The following GHR variants were observed in gnomAD, a reference collection of about 807,000 sequenced individuals.
The protein encoded by GHR is growth hormone receptor.
GHR carries 35 observed loss-of-function variants against 67.1 expected under a neutral mutation model. The ratio of observed to expected loss-of-function variants is 0.52; its 90% CI spans 0.40 to 0.69. The LOEUF (loss-of-function observed/expected upper bound fraction) is 0.69, where lower values mean the gene tolerates loss of function less well. GHR is among the 30% of genes least tolerant of loss of function. The probability of loss-of-function intolerance (pLI) is 0.00; values close to 1 mark genes in which losing one functional copy is unlikely to be tolerated. For missense variants in GHR, 792 were observed against 764.6 expected (o/e 1.04, Z -0.42); for synonymous variants, 272 against 269.1 (o/e 1.01, Z -0.10).
At chr5:42,493,316 C>T (rs1258130810) in intron 1 of GHR, among the ~76,000 whole-genome samples, 1 of 152,106 alleles carries the variant, frequency 6.6e-6, no homozygotes, top group Admixed American at 6.6e-5. Context: ...AAAATAACTG[C>T]TCTTTGAAAA....
intron 2 of GHR, among the ~76,000 whole-genome samples, chr5:42,571,784 G>A (rs946592559): frequency 9.2e-5 from 14 of 152,198 alleles, no homozygotes; most frequent in African/African-American, 3.4e-4. Context: ...TTATATAATA[G>A]AATGTTTCCA....
At chr5:42,649,101 G>A (rs1052892702) in intron 3 of GHR, among the ~76,000 whole-genome samples, 1 of 152,320 alleles carries the variant, frequency 6.6e-6, no homozygotes, top group East Asian at 1.9e-4. Flanking sequence ...GCATCAGACA[G>A]ACTTGGCTTC....
At chr5:42,452,122 G>A (rs1296287432) in intron 1 of GHR, among the ~76,000 whole-genome samples, 1 of 152,108 alleles carries the variant, frequency 6.6e-6, no homozygotes, top group East Asian at 1.9e-4. Context: ...CTCAACATTT[G>A]TTAGTCTGAA....
chr5:42,445,865 G>A (rs776441451), intron 1 of GHR, among the ~76,000 whole-genome samples: 2 of 152,160 alleles, frequency 1.3e-5, no homozygotes, highest in Non-Finnish European at 2.9e-5. Flanking sequence ...TTTACATATT[G>A]AAGTGCCAGG....
intron 1 of GHR, among the ~76,000 whole-genome samples, chr5:42,456,408 A>T (rs985168109): frequency 6.6e-6 from 1 of 152,226 alleles, no homozygotes; most frequent in African/African-American, 2.4e-5. Context: ...TTCTGTTTTA[A>T]GGTAGGACTA....
chr5:42,680,851 TTA>T (rs1426937796), intron 3 of GHR, among the ~76,000 whole-genome samples: 2 of 46,422 alleles, frequency 4.3e-5, no homozygotes, highest in East Asian at 0.01. Flanking sequence ...TCTATTATTA[TTA>T]TTTTTTTTTA....
Position 42,720,013 on chromosome 5 carries a change from C to A in GHR, c.*589C>A, listed in dbSNP as rs1758944218. Reference sequence around the variant, plus strand: ...AGCATGGCTATTTTATATTACACTACACACTGTGTACTGCAGTTGGTATGA... The same window carrying A: ...AGCATGGCTATTTTATATTACACTAAACACTGTGTACTGCAGTTGGTATGA... On this transcript the variant is annotated 3_prime_UTR_variant, in exon 10 of 10. Transcript: ENST00000230882. The A allele has an allele frequency of 5.6e-6, 1 of 178,680 alleles. No homozygotes were observed. Among genetic ancestry groups the A allele is most frequent in the South Asian group, 1.4e-4 (1 of 7,346 alleles). 11.1% of individuals were successfully genotyped at this position (178,680 alleles called of 1,614,324 possible). A position where few individuals can be genotyped will look rare whatever the true frequency, so the allele number is the denominator to read the frequency against.
intron 3 of GHR, among the ~76,000 whole-genome samples, chr5:42,630,917 T>G (rs1644895319): frequency 7.3e-6 from 1 of 137,046 alleles, no homozygotes; most frequent in Non-Finnish European, 1.6e-5. Context: ...GGGGGTGTTT[T>G]GGGCCAAAAG....
chr5:42,461,246 A>C (rs1434627740), intron 1 of GHR, among the ~76,000 whole-genome samples: 1 of 152,148 alleles, frequency 6.6e-6, no homozygotes. Flanking sequence ...CCTAAACCCT[A>C]TCTGTTTACC....
chr5:42,629,929 A>G (rs1266406276), intron 3 of GHR, among the ~76,000 whole-genome samples: 1 of 131,946 alleles, frequency 7.6e-6, no homozygotes, highest in Non-Finnish European at 1.6e-5. Context: ...GCCTTATTGT[A>G]AGCTCTTTCT....
rs560487145 is a variant in GHR, at chr5:42,431,516, G to A, written c.-12+7561G>A. 1.4e-4 allele frequency among the ~76,000 whole-genome samples: 21 copies of A among 152,252 alleles called. 1 individual carries two copies. The South Asian group carries it at 4.4e-3, about 32-fold the overall frequency. ...GGTAGTGATTTTGTCAGAAATTGCT[G>A]GCTGCATGCTTTTAATCAGCATCTA... On this transcript the variant is annotated intron_variant, in intron 1 of 9. Coordinates refer to ENST00000230882, the MANE Select transcript of GHR (RefSeq NM_000163.5).
chr5:42,630,815 G>C lies in GHR; in HGVS notation c.136+1712G>C, dbSNP rs1753894097. 2.3e-5 allele frequency among the ~76,000 whole-genome samples: 3 copies of C among 132,202 alleles called. 1 individual carries two copies. The highest frequency in any genetic ancestry group is 2.2e-4 in the Admixed American group (3 of 13,706). The allele number at this position is 132,202 out of a possible 152,430, so 86.7% of individuals were successfully genotyped here. On this transcript the variant is annotated intron_variant, in intron 3 of 9. Coordinates refer to ENST00000230882, the MANE Select transcript of GHR (RefSeq NM_000163.5). ...TGCTTCACATTGAAACCATCCTCCTGACACAAACATAATACTTTGCCCTCC... is the reference window on the plus strand; with the variant it reads ...TGCTTCACATTGAAACCATCCTCCTCACACAAACATAATACTTTGCCCTCC...
At chr5:42,550,015 C>A in intron 1 of GHR, 1 of 613,310 alleles carries the variant, frequency 1.6e-6, no homozygotes, top group Non-Finnish European at 2.0e-6. Context: ...CTGGGGAAGG[C>A]CAAAGAGCCA....
chr5:42,706,872 G>GT (rs1036890898), intron 6 of GHR, among the ~76,000 whole-genome samples: 1 of 151,778 alleles, frequency 6.6e-6, no homozygotes, highest in East Asian at 1.9e-4. Context: ...TATTTGGGCT[G>GT]TTTTTTGCTT....
At chr5:42,488,593 G>A (rs961420960) in intron 1 of GHR, among the ~76,000 whole-genome samples, 2 of 152,076 alleles carry the variant, frequency 1.3e-5, no homozygotes, top group Admixed American at 1.3e-4. Flanking sequence ...ATGTATTGGT[G>A]TTCTGAACTC....
chr5:42,563,984 T>C (rs1324976976), intron 1 of GHR, among the ~76,000 whole-genome samples: 1 of 152,148 alleles, frequency 6.6e-6, no homozygotes, highest in African/African-American at 2.4e-5. Flanking sequence ...TCAGTGGTTC[T>C]CATTTGCAAA....
At chr5:42,636,547 C>T (rs1754204443) in intron 3 of GHR, among the ~76,000 whole-genome samples, 1 of 152,150 alleles carries the variant, frequency 6.6e-6, no homozygotes, top group Non-Finnish European at 1.5e-5. Flanking sequence ...CTAATCACTG[C>T]TCCCGAGAGA....
chr5:42,486,846 C>CA (rs367995012), intron 1 of GHR, among the ~76,000 whole-genome samples: 1,586 of 57,436 alleles, frequency 0.028, 18 homozygotes, highest in Middle Eastern at 0.078. Context: ...GACTCCGTCT[C>CA]AAAAAAAAAA....
intron 5 of GHR, among the ~76,000 whole-genome samples, chr5:42,699,448 T>C (rs1173488207): frequency 6.6e-6 from 1 of 152,214 alleles, no homozygotes; most frequent in East Asian, 1.9e-4. Context: ...ATGTCTAAAT[T>C]CTGTAAGTCT....
Sources: gnomAD v4.1 joint callset for allele counts (sites outside exome capture counted in the v4.1 genomes callset) on GRCh38, gnomAD v4.1.1 for gene constraint, MANE v1.5 for transcripts, NCBI Gene and HGNC (gene_info 2026-07-23, HGNC 2026-07-21) for gene names.